CCDC77: variants seen among roughly 807,000 people sequenced by gnomAD.
CCDC77 encodes the protein coiled-coil domain-containing protein 77.
In CCDC77, 56 loss-of-function variants were observed where a neutral mutation model predicts 66.8. That is an observed-to-expected ratio of 0.84 (90% CI 0.68 to 1.05). The LOEUF is 1.05. Among genes scored for constraint, CCDC77 ranks in the 50% least tolerant of loss-of-function variants. The pLI, the probability that CCDC77 is intolerant of heterozygous loss-of-function variation, is 0.00. For missense variants in CCDC77, 570 were observed against 576.8 expected (o/e 0.99, Z 0.12); for synonymous variants, 196 against 195.2 (o/e 1.00, Z -0.03).
intron 4 of CCDC77, among the ~76,000 whole-genome samples, chr12:416,373 G>GTATA (rs1335716191): frequency 2.4e-4 from 6 of 25,288 alleles, no homozygotes; most frequent in Non-Finnish European, 4.6e-4. Flanking sequence ...GTGTGTGTGT[G>GTATA]TGTGTATATA....
chr12:400,132 A>G (rs1298035612), upstream of CCDC77, among the ~76,000 whole-genome samples: 2 of 152,158 alleles, frequency 1.3e-5, no homozygotes, highest in Non-Finnish European at 2.9e-5. Context: ...AACCTCACGA[A>G]CCAGCCTCCG....
At chr12:416,371 G>A (rs1163110833) in intron 4 of CCDC77, among the ~76,000 whole-genome samples, 1,851 of 27,282 alleles carry the variant, frequency 0.068, 158 homozygotes, top group South Asian at 0.21. Context: ...GTGTGTGTGT[G>A]TGTGTGTATA....
Position 441,894 on chromosome 12 carries a change from C to G in CCDC77, c.1441C>G (p.Leu481Val), listed in dbSNP as rs139150349. Reference protein sequence around the residue: ...LKNLKSKVFGLENELRLC With the variant: ...LKNLKSKVFGVENELRLC ...GAATCTTAAGTCGAAAGTGTTTGGT[C>G]TGGAGAATGAACTTAGACTCTGTTA... Residue 481 changes from leucine (L) to valine (V), a missense_variant, in exon 13 of 13, where the codon CTG (leucine) becomes GTG (valine). Transcript: ENST00000239830. 6 of 1,613,884 alleles carry G rather than the reference C, an allele frequency of 3.7e-6. No individual in the cohort carries two copies. The highest frequency in any genetic ancestry group is 5.1e-6 in the Non-Finnish European group (6 of 1,180,008).
At chr12:431,212 C>CTTTTTTTTTTTTTTTTTTTTTT (rs61068771) in intron 7 of CCDC77, among the ~76,000 whole-genome samples, 2 of 115,778 alleles carry the variant, frequency 1.7e-5, no homozygotes, top group African/African-American at 2.9e-5. Flanking sequence ...TTGCTCAGTT[C>CTTTTTTTTTTTTTTTTTTTTTT]TTTTTTTTTT....
intron 2 of CCDC77, among the ~76,000 whole-genome samples, chr12:406,762 C>T (rs960487511): frequency 2.6e-5 from 4 of 152,282 alleles, no homozygotes; most frequent in Non-Finnish European, 5.9e-5. Context: ...GCCTGGCCAA[C>T]ATGGTGAAAC....
chr12:403,865 G>A (rs11062769), intron 1 of CCDC77, among the ~76,000 whole-genome samples: 8,369 of 152,224 alleles, frequency 0.055, 650 homozygotes, highest in East Asian at 0.36. Context: ...ATCACTGCTC[G>A]CTGCAGCCTT....
chr12:428,655 A>C (rs1945582903), intron 5 of CCDC77, 114 bp from the exon 6 acceptor site: 1 of 570,606 alleles, frequency 1.8e-6, no homozygotes, highest in African/African-American at 2.1e-5. Context: ...TACTGTTTTA[A>C]TTTGGGGTTA....
At chr12:422,987 G>C (rs1368983962) in intron 5 of CCDC77, among the ~76,000 whole-genome samples, 2 of 151,624 alleles carry the variant, frequency 1.3e-5, no homozygotes, top group African/African-American at 4.8e-5. Context: ...TTATTTTTTT[G>C]AGTAACTGCC....
chr12:424,682 T>A (rs1292544761), intron 5 of CCDC77, among the ~76,000 whole-genome samples: 1 of 152,094 alleles, frequency 6.6e-6, no homozygotes, highest in African/African-American at 2.4e-5. Flanking sequence ...ATTTTGTTGC[T>A]TCTGCTTTTG....
chr12:406,807 C>G (rs1440018909), intron 2 of CCDC77, among the ~76,000 whole-genome samples: 1 of 152,136 alleles, frequency 6.6e-6, no homozygotes, highest in Non-Finnish European at 1.5e-5. Flanking sequence ...ATTAGCCAGG[C>G]TTGGTGGTAT....
chr12:442,013 G>T lies in CCDC77; in HGVS notation c.*93G>T. 7.7e-7 allele frequency: 1 copy of T among 1,305,044 alleles called. No individual in the cohort carries two copies. The highest frequency in any genetic ancestry group is 1.1e-6 in the Non-Finnish European group (1 of 918,462). 80.8% of individuals were successfully genotyped at this position (1,305,044 alleles called of 1,614,324 possible). A position where few individuals can be genotyped will look rare whatever the true frequency, so the allele number is the denominator to read the frequency against. On this transcript the variant is annotated 3_prime_UTR_variant, in exon 13 of 13. Coordinates refer to ENST00000239830, the MANE Select transcript of CCDC77 (RefSeq NM_032358.4). Reference sequence around the variant, plus strand: ...CTGCTGCCAGAAAATGTAAACCTGAGTTGACTAGAGTGGTGGTATTCATTA... The same window carrying T: ...CTGCTGCCAGAAAATGTAAACCTGATTTGACTAGAGTGGTGGTATTCATTA...
At chr12:413,084 G>A (rs1236182657) in intron 4 of CCDC77, among the ~76,000 whole-genome samples, 9 of 150,788 alleles carry the variant, frequency 6.0e-5, no homozygotes, top group Non-Finnish European at 7.4e-5. Context: ...GACTGCAGGC[G>A]CCCGCAACCA....
intron 9 of CCDC77, chr12:433,596 C>T (rs986300265): frequency 6.0e-6 from 3 of 503,518 alleles, no homozygotes; most frequent in Admixed American, 4.7e-5. Context: ...AGGCCGGGTG[C>T]AGTGGCTCAC....
intron 1 of CCDC77, among the ~76,000 whole-genome samples, chr12:389,728 G>A (rs891505740): frequency 2.0e-4 from 30 of 152,304 alleles, no homozygotes; most frequent in African/African-American, 7.2e-4. Context: ...TTAATCTTAA[G>A]CACCGCGCCT....
chr12:428,832 A>G lies in CCDC77; in HGVS notation c.477A>G (p.Glu159=). 6.2e-7 allele frequency: 1 copy of G among 1,613,202 alleles called. No homozygotes were observed. Among genetic ancestry groups the G allele is most frequent in the Non-Finnish European group, 8.5e-7 (1 of 1,179,454 alleles). The part of the protein sequence containing the change: ...LLALVGTDAG[E]VTYFCKEPPH... ...CTCTTGTGGGAACAGATGCTGGAGA[A>G]GTGACCTATTTTTGTAAGGAGCCTC... The change falls in exon 6 of 13, where the codon GAA becomes GAG. Residue 159 remains glutamate, a synonymous_variant. Transcript: ENST00000239830.
At chr12:425,001 G>A (rs1209510663) in intron 5 of CCDC77, among the ~76,000 whole-genome samples, 1 of 150,284 alleles carries the variant, frequency 6.7e-6, no homozygotes. Flanking sequence ...CACGATCTCG[G>A]CTCACTGCAA....
chr12:418,346 A>G, intron 4 of CCDC77, 148 bp from the exon 5 acceptor site: 1 of 698,656 alleles, frequency 1.4e-6, no homozygotes, highest in South Asian at 1.8e-5. Context: ...TCCAGTCTAT[A>G]CATGCCTATT....
At chr12:420,317 CTGTG>C (rs777882830) in intron 5 of CCDC77, among the ~76,000 whole-genome samples, 1 of 8,184 alleles carries the variant, frequency 1.2e-4, no homozygotes, top group African/African-American at 2.1e-3. Context: ...CAGTGCTCTT[CTGTG>C]TGTGTGTGCT....
chr12:422,181 G>T (rs1485933771), intron 5 of CCDC77, among the ~76,000 whole-genome samples: 2 of 138,756 alleles, frequency 1.4e-5, no homozygotes, highest in African/African-American at 2.7e-5. Flanking sequence ...TGTGTGCTGG[G>T]AGTGAGAGGG....
Sources: gnomAD v4.1 joint callset for allele counts (sites outside exome capture counted in the v4.1 genomes callset) on GRCh38, gnomAD v4.1.1 for gene constraint, MANE v1.5 for transcripts, NCBI Gene and HGNC (gene_info 2026-07-23, HGNC 2026-07-21) for gene names.